Variants in SPTBN1 observed in about 807,000 individuals in gnomAD.
The protein encoded by SPTBN1 is spectrin beta chain, non-erythrocytic 1.
A neutral mutation model predicts 266.4 loss-of-function variants in SPTBN1; 32 were observed. The observed-to-expected ratio is 0.12, with a 90% CI of 0.09 to 0.16. The LOEUF (loss-of-function observed/expected upper bound fraction) is 0.16, where lower values mean the gene tolerates loss of function less well. Among genes scored for constraint, SPTBN1 ranks in the 10% least tolerant of loss-of-function variants. The pLI, the probability that SPTBN1 is intolerant of heterozygous loss-of-function variation, is 1.00. For synonymous variants in SPTBN1, 1,336 were observed against 1,162.2 expected (o/e 1.15, Z -3.04); for missense variants, 2,296 against 3,067.1 (o/e 0.75, Z 5.94).
chr2:54,491,737 C>G (rs1668694280), intron 1 of SPTBN1, among the ~76,000 whole-genome samples: 1 of 152,110 alleles, frequency 6.6e-6, no homozygotes, highest in African/African-American at 2.4e-5. Context: ...ACCACAGATG[C>G]ATGCTGCCAT....
chr2:54,482,056 A>G (rs755892178), intron 1 of SPTBN1, among the ~76,000 whole-genome samples: 1 of 152,176 alleles, frequency 6.6e-6, no homozygotes, highest in Non-Finnish European at 1.5e-5. Flanking sequence ...ACAGGATTGC[A>G]TGATGAGTGG....
rs1339573848 is a variant in SPTBN1, at chr2:54,646,551, C to T, written c.4866+76C>T. ...CCCTGGGCACACTTTCTGCTGGCGG[C>T]TCTGTCTGTATAAAAACTTCCCTTG... On this transcript the variant is annotated intron_variant, in intron 23 of 35. Coordinates refer to ENST00000356805, the MANE Select transcript of SPTBN1 (RefSeq NM_003128.3). This position sits in a 1 kb window ranked among gnomAD's most constrained non-coding sequence, Gnocchi z 4.4. The T allele has an allele frequency of 3.1e-5, 44 of 1,417,788 alleles. 1 individual carries two copies. The East Asian group carries it at 4.6e-4, about 15-fold the overall frequency. 87.8% of individuals were successfully genotyped at this position (1,417,788 alleles called of 1,614,324 possible).
chr2:54,582,843 CGTGACT>C (rs1675035824), intron 2 of SPTBN1, among the ~76,000 whole-genome samples: 1 of 152,128 alleles, frequency 6.6e-6, no homozygotes, highest in African/African-American at 2.4e-5. Context: ...GTGCTTGCTT[CGTGACT>C]GTGGGCAAAT....
At chr2:54,658,876 G>A (rs1384611783) in intron 30 of SPTBN1, among the ~76,000 whole-genome samples, 1 of 152,158 alleles carries the variant, frequency 6.6e-6, no homozygotes, top group Non-Finnish European at 1.5e-5. Flanking sequence ...GTTGAGAGTT[G>A]CATAGTTACT....
chr2:54,474,601 ATAT>A (rs1310428035), intron 1 of SPTBN1, among the ~76,000 whole-genome samples: 1 of 152,202 alleles, frequency 6.6e-6, no homozygotes, highest in African/African-American at 2.4e-5. Context: ...AAAAACTTTA[ATAT>A]TATTATGGAA....
Position 54,629,178 on chromosome 2 carries a change from G to A in SPTBN1, c.2044G>A (p.Ala682Thr), listed in dbSNP as rs767613378. ...CATGCGCCTGCTCAGCAAGCACCGG[G>A]CGTTCGAGGACGAGATGAGCGGCCG... Reference protein sequence around the residue: ...SVMRLLSKHRAFEDEMSGRSG... With the variant: ...SVMRLLSKHRTFEDEMSGRSG... Residue 682 changes from alanine (A) to threonine (T), a missense_variant, in exon 14 of 36, where the codon GCG becomes ACG. Physicochemically the swap from Ala to Thr is moderately conservative, Grantham distance 58 (BLOSUM62 0). This residue lies in a region of SPTBN1 where 434 missense variants were observed against 573.9 expected (regional missense o/e 0.76). Transcript: ENST00000356805. 2 of 1,613,496 alleles carry A rather than the reference G, an allele frequency of 1.2e-6. No individual in the cohort carries two copies. The highest frequency in any genetic ancestry group is 1.7e-6 in the Non-Finnish European group (2 of 1,179,940).
chr2:54,584,387 A>G (rs1291633379), intron 2 of SPTBN1, among the ~76,000 whole-genome samples: 1 of 152,238 alleles, frequency 6.6e-6, no homozygotes, highest in South Asian at 2.1e-4. Context: ...TTCTTGCACA[A>G]ATATTTCTAG....
intron 28 of SPTBN1, 96 bp from the exon 29 acceptor site, chr2:54,655,818 T>C: frequency 1.1e-6 from 1 of 888,908 alleles, no homozygotes; most frequent in Non-Finnish European, 1.8e-6. Flanking sequence ...AATGGTGGTC[T>C]TTGCAGAAAA....
intron 2 of SPTBN1, among the ~76,000 whole-genome samples, chr2:54,537,559 G>T (rs1411441781): frequency 6.6e-6 from 1 of 152,222 alleles, no homozygotes; most frequent in Non-Finnish European, 1.5e-5. Context: ...ATTGTGGTGG[G>T]GTGGAGGAAG....
At chr2:54,502,687 TG>T (rs1421663990) in intron 1 of SPTBN1, among the ~76,000 whole-genome samples, 1 of 152,206 alleles carries the variant, frequency 6.6e-6, no homozygotes, top group African/African-American at 2.4e-5. Flanking sequence ...CTGGCTTTCC[TG>T]GGGGTTTTTT....
intron 2 of SPTBN1, among the ~76,000 whole-genome samples, chr2:54,548,363 T>C (rs956440080): frequency 1.3e-5 from 2 of 152,218 alleles, no homozygotes; most frequent in Non-Finnish European, 2.9e-5. Flanking sequence ...GAAGCTGTGC[T>C]TGTACCGCAT....
rs1209132160 is a variant in SPTBN1, at chr2:54,576,074, A to ATTTTTT, written c.149-23018_149-23017insTTTTTT. Among the ~76,000 whole-genome samples, 762 of 93,790 alleles carry ATTTTTT rather than the reference A, an allele frequency of 8.1e-3. 125 individuals carry two copies. The highest frequency in any genetic ancestry group is 0.012 in the Non-Finnish European group (590 of 49,330). The allele number at this position is 93,790 out of a possible 152,430, so 61.5% of individuals were successfully genotyped here. On this transcript the variant is annotated intron_variant, in intron 2 of 35. Coordinates refer to ENST00000356805, the MANE Select transcript of SPTBN1 (RefSeq NM_003128.3). Reference sequence around the variant, plus strand: ...ATCCAGCTTTTTTTTTTTTTTTTTGAGAGACAGTCTGGCTGTGTCTCCCAG... The same window carrying ATTTTTT: ...ATCCAGCTTTTTTTTTTTTTTTTTGATTTTTTGAGACAGTCTGGCTGTGTCTCCCAG...
At chr2:54,495,346 CCCTTATGTGATG>C (rs1396896557) in intron 1 of SPTBN1, among the ~76,000 whole-genome samples, 8 of 152,130 alleles carry the variant, frequency 5.3e-5, no homozygotes, top group Non-Finnish European at 7.3e-5. Flanking sequence ...GCTCAAGGAA[CCCTTATGTGATG>C]CCACCCCCTC....
intron 1 of SPTBN1, among the ~76,000 whole-genome samples, chr2:54,458,418 A>T (rs1023280999): frequency 6.6e-6 from 1 of 152,220 alleles, no homozygotes; most frequent in Non-Finnish European, 1.5e-5. Context: ...TATTAGGTGT[A>T]TGAGTGTCAT....
At chr2:54,624,991 T>C in intron 11 of SPTBN1, 29 bp downstream of exon 11, 2 of 1,553,280 alleles carry the variant, frequency 1.3e-6, no homozygotes, top group Non-Finnish European at 1.7e-6. Flanking sequence ...TTAAAAAGAC[T>C]GTTGCTAGGG....
intron 1 of SPTBN1, among the ~76,000 whole-genome samples, chr2:54,513,566 A>G (rs1240936711): frequency 1.3e-5 from 2 of 152,220 alleles, no homozygotes; most frequent in African/African-American, 4.8e-5. Flanking sequence ...CATTAGAACT[A>G]TACTCTAATG....
At chr2:54,461,302 T>G (rs1171458878) in intron 1 of SPTBN1, among the ~76,000 whole-genome samples, 1 of 152,240 alleles carries the variant, frequency 6.6e-6, no homozygotes. Flanking sequence ...CAGTTTCACC[T>G]GCTGTATAGT....
chr2:54,529,851 CCAAA>C (rs1671099371), intron 2 of SPTBN1: 7 of 59,518 alleles, frequency 1.2e-4, no homozygotes, highest in South Asian at 5.4e-4. Flanking sequence ...TCTCTTTTCA[CCAAA>C]AAAAAAAAAA....
chr2:54,627,819 CTTT>C (rs1678457106), intron 12 of SPTBN1, among the ~76,000 whole-genome samples: 4 of 140,482 alleles, frequency 2.8e-5, no homozygotes, highest in Non-Finnish European at 6.2e-5. Context: ...CCCTCACCAT[CTTT>C]TTCTTCTATT....
Sources: gnomAD v4.1 joint callset for allele counts (sites outside exome capture counted in the v4.1 genomes callset) on GRCh38, gnomAD v4.1.1 for gene constraint, gnomAD v4.1.1 regional missense constraint, Gnocchi (gnomAD v3.1) non-coding constraint, MANE v1.5 for transcripts, NCBI Gene and HGNC (gene_info 2026-07-23, HGNC 2026-07-21) for gene names.